CES1: variants seen among roughly 807,000 people sequenced by gnomAD.
CES1 encodes liver carboxylesterase 1.
CES1 carries 50 observed loss-of-function variants against 53.0 expected under a neutral mutation model. That is an observed-to-expected ratio of 0.94 (90% CI 0.75 to 1.19). The LOEUF is 1.19. Ranked by LOEUF, CES1 falls within the 50% of genes most tolerant of loss-of-function variation. The probability of loss-of-function intolerance (pLI) is 0.00; values close to 1 mark genes in which losing one functional copy is unlikely to be tolerated. For synonymous variants in CES1, 202 were observed against 210.1 expected (o/e 0.96, Z 0.33); for missense variants, 534 against 538.0 (o/e 0.99, Z 0.07).
intron 3 of CES1, 115 bp downstream of exon 3, chr16:55,826,036 C>A (rs1395794925): frequency 1.0e-5 from 14 of 1,368,806 alleles, no homozygotes; most frequent in Non-Finnish European, 1.5e-5. Context: ...GTCTCTGAAA[C>A]AATCCTGGCC....
chr16:55,818,882 G>A (rs1424314024), intron 7 of CES1, among the ~76,000 whole-genome samples: 16 of 152,238 alleles, frequency 1.1e-4, no homozygotes, highest in South Asian at 2.1e-4. Context: ...AGGAATGGGT[G>A]ATGGAGTTGA....
intron 7 of CES1, among the ~76,000 whole-genome samples, chr16:55,818,825 A>G (rs1405970326): frequency 6.6e-6 from 1 of 151,890 alleles, no homozygotes; most frequent in Non-Finnish European, 1.5e-5. Context: ...ACATGAATAG[A>G]TGGGTGAAAA....
intron 3 of CES1, among the ~76,000 whole-genome samples, chr16:55,824,036 T>C (rs1185255677): frequency 6.6e-6 from 1 of 152,274 alleles, no homozygotes; most frequent in Non-Finnish European, 1.5e-5. Context: ...CCTAGACTAT[T>C]CATGCACTCA....
chr16:55,813,184 T>C (rs1174027003), intron 8 of CES1, 141 bp from the exon 9 acceptor site: 9 of 1,141,120 alleles, frequency 7.9e-6, no homozygotes, highest in Non-Finnish European at 1.0e-5. Context: ...GATCCTAACT[T>C]AGGGGGGTAG....
chr16:55,829,099 T>A, intron 1 of CES1, 125 bp from the exon 2 acceptor site: 2 of 1,049,706 alleles, frequency 1.9e-6, no homozygotes, highest in Admixed American at 2.0e-5. Flanking sequence ...AGGCCTCAGT[T>A]TCTCTTGATG....
At chr16:55,820,052 G>A in intron 6 of CES1, 1 of 572,562 alleles carries the variant, frequency 1.7e-6, no homozygotes, top group African/African-American at 1.9e-5. Flanking sequence ...ATGGCACCAG[G>A]CCCTGGCACA....
chr16:55,810,700 T>A, intron 10 of CES1, 36 bp from the exon 11 acceptor site: 1 of 1,612,832 alleles, frequency 6.2e-7, no homozygotes, highest in Non-Finnish European at 8.5e-7. Context: ...CAGCCCCGGG[T>A]GAGCGATGCA....
Position 55,821,745 on chromosome 16 carries a change from T to C in CES1, c.540-224A>G, listed in dbSNP as rs376205102. 3.3e-5 allele frequency among the ~76,000 whole-genome samples: 5 copies of C among 152,206 alleles called. No individual in the cohort carries two copies. In the East Asian group the frequency reaches 5.8e-4, roughly 18 times the overall value. ...AGCATCTACTGTATGCCTGACGCTG[T>C]CTTATGAGCTAGAGCACATCTGAGA... On this transcript the variant is annotated intron_variant, in intron 4 of 13. Transcript: ENST00000360526.
chr16:55,826,091 C>G, intron 3 of CES1, 60 bp downstream of exon 3: 5 of 1,609,438 alleles, frequency 3.1e-6, no homozygotes, highest in Non-Finnish European at 4.3e-6. Flanking sequence ...TTCCATTCTG[C>G]CCCAGAAGAT....
At chr16:55,822,986 G>C (rs1341876572) in intron 4 of CES1, among the ~76,000 whole-genome samples, 13 of 152,076 alleles carry the variant, frequency 8.5e-5, no homozygotes, top group Non-Finnish European at 1.5e-4. Context: ...CTGATGGGAA[G>C]ACTCCATCCT....
intron 2 of CES1, 47 bp from the exon 3 acceptor site, chr16:55,826,342 C>T (rs747454288): frequency 8.1e-6 from 13 of 1,612,340 alleles, no homozygotes; most frequent in South Asian, 3.3e-5. Flanking sequence ...CAGATCTAAG[C>T]GAGGTGTTTT....
chr16:55,812,559 C>T (rs536917998), intron 9 of CES1: 66 of 381,104 alleles, frequency 1.7e-4, no homozygotes, highest in African/African-American at 1.3e-3. Flanking sequence ...AGGAAGCCCC[C>T]GACTGCTTCT....
chr16:55,831,412 A>G lies in CES1; in HGVS notation c.52+1592T>C, dbSNP rs551843537. On this transcript the variant is annotated intron_variant, in intron 1 of 13. Coordinates refer to ENST00000360526, the MANE Select transcript of CES1 (RefSeq NM_001025195.2). ...GCAGCCAGATTGCCAAGGGTGAAAA[A>G]GTGGGTGAATGGGGGGAGGCAGAAA... Among the ~76,000 whole-genome samples, 1,127 of 151,004 alleles carry G rather than the reference A, an allele frequency of 7.5e-3. 4 individuals carry two copies. Among genetic ancestry groups the G allele is most frequent in the African/African-American group, 0.026 (1,073 of 40,776 alleles).
At chr16:55,828,683 GGATCA>G in intron 2 of CES1, 79 bp downstream of exon 2, 1 of 1,475,984 alleles carries the variant, frequency 6.8e-7, no homozygotes, top group East Asian at 2.3e-5. Flanking sequence ...CCAGAGCAAA[GGATCA>G]GCCCGTCAGG....
chr16:55,815,709 GC>G (rs1451827020), intron 8 of CES1, among the ~76,000 whole-genome samples: 8 of 143,764 alleles, frequency 5.6e-5, no homozygotes, highest in Non-Finnish European at 7.4e-5. Flanking sequence ...GCAGCCAGGA[GC>G]CCTTGCCTGG....
chr16:55,818,047 C>A (rs28590708), intron 7 of CES1, among the ~76,000 whole-genome samples: 1 of 152,190 alleles, frequency 6.6e-6, no homozygotes, highest in East Asian at 1.9e-4. Flanking sequence ...AGCACCAATA[C>A]CACATTGGAC....
rs372638605 is a variant in CES1, at chr16:55,810,544, A to C, written c.1291T>G (p.Ser431Ala). 3.5e-5 allele frequency: 56 copies of C among 1,614,030 alleles called. No homozygotes were observed. The highest frequency in any genetic ancestry group is 4.6e-5 in the Non-Finnish European group (54 of 1,180,032). The change falls in exon 11 of 14, where the codon TCT becomes GCT. Residue 431 changes from serine to alanine, a missense_variant. Coordinates refer to ENST00000360526, the MANE Select transcript of CES1 (RefSeq NM_001025195.2). ...LIADVMFGVP[S>A]VIVARNHRDA... The stretch of plus-strand genomic sequence containing the variant: ...CTGTGGTTCCGGGCCACAATCACAG[A>C]TGGGACACCAAACATCACATCTGCT...
chr16:55,830,536 G>A (rs1441400396), intron 1 of CES1, among the ~76,000 whole-genome samples: 2 of 152,120 alleles, frequency 1.3e-5, no homozygotes, highest in Admixed American at 6.5e-5. Context: ...CAGGCACAGT[G>A]GATCACCTGT....
chr16:55,820,617 C>T, intron 5 of CES1, 138 bp from the exon 6 acceptor site: 1 of 1,430,748 alleles, frequency 7.0e-7, no homozygotes, highest in South Asian at 1.2e-5. Flanking sequence ...ACCCTCTGCC[C>T]ACCTCAAGGA....
Sources: gnomAD v4.1 joint callset for allele counts (sites outside exome capture counted in the v4.1 genomes callset) on GRCh38, gnomAD v4.1.1 for gene constraint, MANE v1.5 for transcripts, NCBI Gene and HGNC (gene_info 2026-07-23, HGNC 2026-07-21) for gene names.